SEMA4B: variants seen among roughly 807,000 people sequenced by gnomAD.
SEMA4B encodes the protein semaphorin 4B.
In SEMA4B, 55 loss-of-function variants were observed where a neutral mutation model predicts 88.1. The ratio of observed to expected loss-of-function variants is 0.62; its 90% confidence interval spans 0.50 to 0.78. The LOEUF (loss-of-function observed/expected upper bound fraction) is 0.78. SEMA4B is among the 30% of genes least tolerant of loss of function. The probability of loss-of-function intolerance (pLI) is 0.00; values close to 1 mark genes in which losing one functional copy is unlikely to be tolerated. For synonymous variants in SEMA4B, 525 were observed against 473.6 expected, an observed-to-expected ratio of 1.11 and a Z score of -1.41; for missense variants, 1,062 against 1,111.9, an observed-to-expected ratio of 0.96 and a Z score of 0.64.
At chr15:90,189,249 CAT>C (rs942146679) in intron 1 of SEMA4B, among the ~76,000 whole-genome samples, 1 of 152,100 alleles carries the variant, frequency 6.6e-6, no homozygotes, top group Non-Finnish European at 1.5e-5. Flanking sequence ...GAAGGATAAA[CAT>C]TGGCTTATAT....
intron 9 of SEMA4B, among the ~76,000 whole-genome samples, chr15:90,224,743 G>T (rs556960402): frequency 3.3e-5 from 5 of 152,294 alleles, no homozygotes; most frequent in African/African-American, 1.2e-4. Flanking sequence ...TGGGCAGGGA[G>T]GAGGCACAGC....
At position 90,201,369 on chromosome 15, in the gene SEMA4B, C is replaced by CGGCGCCGGCGGGAGGACTGCGG; in HGVS notation, c.-209_-188dup. 8.0e-7 allele frequency: 1 copy of CGGCGCCGGCGGGAGGACTGCGG among 1,249,990 alleles called. No homozygotes were observed. 77.4% of individuals were successfully genotyped at this position (1,249,990 alleles called of 1,614,324 possible). On this transcript the variant is annotated 5_prime_UTR_variant, in exon 1 of 14. Transcript: ENST00000411539. ...TCTGCCCAAGCCGAGGCTGCGGGGC[C>CGGCGCCGGCGGGAGGACTGCGG]GGCGCCGGCGGGAGGACTGCGGTGC...
At chr15:90,203,255 G>A (rs2060683862) in intron 1 of SEMA4B, among the ~76,000 whole-genome samples, 1 of 152,172 alleles carries the variant, frequency 6.6e-6, no homozygotes, top group South Asian at 2.1e-4. Flanking sequence ...TAGCCCCTTG[G>A]GTGCTTCAGC....
In SEMA4B at chr15:90,211,556, G is replaced by A. The variant is rs550145175; in HGVS notation, c.158-5883G>A. Among the ~76,000 whole-genome samples the A allele has an allele frequency of 1.2e-3, 178 of 152,294 alleles. 2 individuals carry two copies. The highest frequency in any genetic ancestry group is 0.011 in the Admixed American group (169 of 15,294). On this transcript the variant is annotated intron_variant, in intron 1 of 13. Transcript: ENST00000411539. ...AAGAAGTGGCTGCCCTGCCCAACAC[G>A]GGCCGTGTGGAGGAAGGAAGTGCAC...
intron 1 of SEMA4B, among the ~76,000 whole-genome samples, chr15:90,185,538 G>A (rs1960138932): frequency 6.6e-6 from 1 of 152,220 alleles, no homozygotes. Context: ...TTGAGGTTCT[G>A]GGCATGAAGC....
intron 1 of SEMA4B, among the ~76,000 whole-genome samples, chr15:90,207,190 G>A (rs931148318): frequency 3.9e-5 from 6 of 152,180 alleles, no homozygotes; most frequent in Admixed American, 3.9e-4. Flanking sequence ...TGCCTCCCAG[G>A]CCTGTGATCT....
intron 1 of SEMA4B, among the ~76,000 whole-genome samples, chr15:90,191,194 C>T (rs34560261): frequency 0.12 from 18,431 of 152,238 alleles, 1,259 homozygotes; most frequent in Non-Finnish European, 0.17. Flanking sequence ...CAGGCCCCAA[C>T]AGGCCCCAGT....
intron 1 of SEMA4B, among the ~76,000 whole-genome samples, chr15:90,209,421 C>T (rs980090852): frequency 4.0e-5 from 6 of 151,876 alleles, no homozygotes; most frequent in South Asian, 2.1e-4. Context: ...AAAAATTAGC[C>T]GGGCATGATG....
rs184358198 is a variant in SEMA4B, at chr15:90,188,594, C to T, written c.-122+3513C>T. On this transcript the variant is annotated intron_variant, in intron 1 of 14. Coordinates refer to the SEMA4B transcript ENST00000332496. ...AGTGAGCCGAGATCGCACCACTGCA[C>T]TCCAGCCTGGACGACAGAACAAGAC... Among the ~76,000 whole-genome samples, 226 of 152,122 alleles carry T rather than the reference C, an allele frequency of 1.5e-3. 1 individual carries two copies. Among genetic ancestry groups the T allele is most frequent in the Non-Finnish European group, 2.3e-3 (155 of 67,992 alleles).
In SEMA4B at chr15:90,195,927, T is replaced by TTTTTTTTTTTC. The variant is rs1555420905; in HGVS notation, c.-121-5530_-121-5520dup. ...GCCCAGCCTGTTTTGTACTTCTCTT[T>TTTTTTTTTTTC]TTTTTTTTTTCGAGACGGAGTCTCG... On this transcript the variant is annotated intron_variant, in intron 1 of 14. Coordinates refer to the SEMA4B transcript ENST00000332496. Among the ~76,000 whole-genome samples, 21 of 99,774 alleles carry TTTTTTTTTTTC rather than the reference T, an allele frequency of 2.1e-4. 1 individual carries two copies. The highest frequency in any genetic ancestry group is 2.1e-3 in the Admixed American group (21 of 10,036). 65.5% of individuals were successfully genotyped at this position (99,774 alleles called of 152,430 possible). A position where few individuals can be genotyped will look rare whatever the true frequency, so the allele number is the denominator to read the frequency against.
At chr15:90,222,789 A>G (rs965892209) in intron 7 of SEMA4B, among the ~76,000 whole-genome samples, 2 of 151,944 alleles carry the variant, frequency 1.3e-5, no homozygotes, top group Non-Finnish European at 2.9e-5. Context: ...TGTTATGTGA[A>G]TTATTAATCC....
At chr15:90,190,337 G>A (rs1960306804) in intron 1 of SEMA4B, 1 of 152,268 alleles carries the variant, frequency 6.6e-6, no homozygotes, top group Non-Finnish European at 1.5e-5. Flanking sequence ...AGCCTACAGA[G>A]CCTTAGGAGA....
rs768985043 is a variant in SEMA4B at position 90,221,766 on chromosome 15, G to A, written c.861+1G>A. On this transcript the variant is annotated splice_donor_variant, in intron 7 of 13. Transcript: ENST00000411539. LOFTEE classifies it high-confidence loss of function. ...GTCCCGCATTGCCCGCATCTGCAAG[G>A]TGAGGGGAACGGGCTGACAGGGTGG... 2 of 1,613,526 alleles carry A rather than the reference G, an allele frequency of 1.2e-6. No individual in the cohort carries two copies. The highest frequency in any genetic ancestry group is 1.7e-6 in the Non-Finnish European group (2 of 1,179,742).
intron 7 of SEMA4B, among the ~76,000 whole-genome samples, chr15:90,222,186 C>T (rs1481004832): frequency 6.6e-6 from 1 of 150,970 alleles, no homozygotes; most frequent in African/African-American, 2.4e-5. Context: ...ACAATCCACC[C>T]ACCTCGGCTT....
intron 1 of SEMA4B, among the ~76,000 whole-genome samples, chr15:90,214,195 T>G (rs889663499): frequency 1.3e-5 from 2 of 151,676 alleles, no homozygotes; most frequent in African/African-American, 4.8e-5. Context: ...AATACAAAAA[T>G]TAGCTGGGCA....
intron 1 of SEMA4B, among the ~76,000 whole-genome samples, chr15:90,189,276 G>T (rs559873088): frequency 1.1e-4 from 16 of 152,276 alleles, no homozygotes; most frequent in Admixed American, 3.9e-4. Flanking sequence ...AGAAGAGGTG[G>T]ATGGCTATAA....
At chr15:90,203,625 C>G (rs1457371447) in intron 1 of SEMA4B, among the ~76,000 whole-genome samples, 1 of 152,216 alleles carries the variant, frequency 6.6e-6, no homozygotes, top group African/African-American at 2.4e-5. Context: ...TGGTCCACTT[C>G]TACAAGCCCG....
Position 90,221,744 on chromosome 15 carries a change from C to T in SEMA4B, c.840C>T (p.Ser280=), listed in dbSNP as rs1465861019. 1 of 1,613,864 alleles carries T rather than the reference C, an allele frequency of 6.2e-7. No homozygotes were observed. ...AGTTCTTTGAGAACACCATTGTGTCCCGCATTGCCCGCATCTGCAAGGTGA... is the reference window on the plus strand; with the variant it reads ...AGTTCTTTGAGAACACCATTGTGTCTCGCATTGCCCGCATCTGCAAGGTGA... ...EFEFFENTIV[S]RIARICKGDE... is the part of the protein sequence containing the mutation. The change falls in exon 7 of 14, where the codon TCC becomes TCT. Residue 280 remains serine, a synonymous_variant. Coordinates refer to ENST00000411539, the MANE Select transcript of SEMA4B (RefSeq NM_198925.4).
Position 90,228,209 on chromosome 15 carries a change from A to T in SEMA4B, c.2080A>T (p.Ser694Cys). 1.2e-6 allele frequency: 2 copies of T among 1,609,590 alleles called. No individual in the cohort carries two copies. Among genetic ancestry groups the T allele is most frequent in the African/African-American group, 1.3e-5 (1 of 75,006 alleles). Reference protein sequence around the residue: ...DEGGSVPVIISTSRVSAPAGG... With the variant: ...DEGGSVPVIICTSRVSAPAGG... ...GGGTGGCAGTGTACCCGTCATTATC[A>T]GCACATCGCGTGTGAGTGCACCAGC... The change falls in exon 14 of 14, where the codon AGC (serine) becomes TGC (cysteine). Residue 694 changes from serine (S) to cysteine (C), a missense_variant. Ser to Cys is a moderately radical substitution (Grantham distance 112, BLOSUM62 -1). Coordinates refer to ENST00000411539, the MANE Select transcript of SEMA4B (RefSeq NM_198925.4).
Sources: allele counts gnomAD v4.1 joint callset (sites outside exome capture counted in the v4.1 genomes callset), GRCh38; gene constraint gnomAD v4.1.1; transcripts MANE v1.5; gene names NCBI Gene and HGNC (gene_info 2026-07-23, HGNC 2026-07-21).